ROBO1: variants seen among roughly 807,000 people sequenced by gnomAD.
ROBO1 encodes the protein roundabout guidance receptor 1.
Under a neutral mutation model 195.9 loss-of-function variants are expected in ROBO1, and 149 were observed. The observed-to-expected ratio is 0.76, with a 90% confidence interval of 0.67 to 0.87. The LOEUF is 0.87. ROBO1 is among the 40% of genes least tolerant of loss of function. The pLI, the probability that ROBO1 is intolerant of heterozygous loss-of-function variation, is 0.00. For missense variants in ROBO1, 1,933 were observed against 2,068.3 expected, an observed-to-expected ratio of 0.93 and a Z score of 1.27; for synonymous variants, 816 against 733.2, an observed-to-expected ratio of 1.11 and a Z score of -1.82.
chr3:78,684,390 T>C (rs1268565491), intron 10 of ROBO1, among the ~76,000 whole-genome samples: 1 of 152,260 alleles, frequency 6.6e-6, no homozygotes, highest in Non-Finnish European at 1.5e-5. Flanking sequence ...AGAGGCTTGT[T>C]GACTAGAAGA....
intron 4 of ROBO1, among the ~76,000 whole-genome samples, chr3:78,864,283 C>A (rs1419972327): frequency 6.6e-6 from 1 of 152,078 alleles, no homozygotes; most frequent in African/African-American, 2.4e-5. Flanking sequence ...ATAATTCTGG[C>A]ATCCACAATG....
At chr3:78,866,964 A>G (rs1229598517) in intron 4 of ROBO1, among the ~76,000 whole-genome samples, 1 of 152,216 alleles carries the variant, frequency 6.6e-6, no homozygotes, top group African/African-American at 2.4e-5. Context: ...TGCTTCAGTT[A>G]CCACTAACCA....
At chr3:79,418,618 A>G (rs1297170680) in intron 2 of ROBO1, among the ~76,000 whole-genome samples, 1 of 152,168 alleles carries the variant, frequency 6.6e-6, no homozygotes, top group African/African-American at 2.4e-5. Flanking sequence ...GTTTATTTAA[A>G]TTGGGCACCA....
chr3:79,662,832 T>G (rs1946369498), intron 1 of ROBO1, among the ~76,000 whole-genome samples: 1 of 152,008 alleles, frequency 6.6e-6, no homozygotes, highest in Non-Finnish European at 1.5e-5. Context: ...CGAGTCTTTA[T>G]AAGACTGTCA....
chr3:78,659,789 T>C lies in ROBO1; in HGVS notation c.2339A>G (p.Gln780Arg). The C allele has an allele frequency of 6.2e-7, 1 of 1,605,056 alleles. No individual in the cohort carries two copies. The highest frequency in any genetic ancestry group is 8.5e-7 in the Non-Finnish European group (1 of 1,175,396). Reference protein sequence around the residue: ...TLEEAPSAPPQGVTVSKNDGN... With the variant: ...TLEEAPSAPPRGVTVSKNDGN... Reference sequence around the variant, plus strand: ...ATCATTCTTGGATACAGTTACACCTTGGGGTGGGGCACTGGGTGCTATTAA... The same window carrying C: ...ATCATTCTTGGATACAGTTACACCTCGGGGTGGGGCACTGGGTGCTATTAA... The change falls in exon 17 of 31, where the codon CAA (glutamine) becomes CGA (arginine). Residue 780 changes from glutamine (Q) to arginine (R), a missense_variant. Around this residue, in one of 3 missense-constraint regions of ROBO1, gnomAD observed 1,737 missense variants for 1,882.5 expected, o/e 0.92. Transcript: ENST00000464233.
intron 2 of ROBO1, among the ~76,000 whole-genome samples, chr3:79,135,070 C>G (rs2080376328): frequency 1.3e-5 from 2 of 151,288 alleles, no homozygotes; most frequent in Admixed American, 6.6e-5. Flanking sequence ...AATTGAGTGT[C>G]TTAGAGAAGG....
chr3:79,021,067 C>T (rs2078091242), intron 3 of ROBO1, among the ~76,000 whole-genome samples: 1 of 152,138 alleles, frequency 6.6e-6, no homozygotes, highest in Admixed American at 6.5e-5. Context: ...CTCTGGTTAA[C>T]AGCACCTATC....
chr3:79,287,330 C>G (rs933470258), intron 2 of ROBO1, among the ~76,000 whole-genome samples: 3 of 152,054 alleles, frequency 2.0e-5, no homozygotes, highest in Non-Finnish European at 4.4e-5. Flanking sequence ...TGGTGATTGC[C>G]TGAGTAACAA....
chr3:79,702,018 A>T (rs923274369), intron 1 of ROBO1, among the ~76,000 whole-genome samples: 1 of 151,772 alleles, frequency 6.6e-6, no homozygotes, highest in Admixed American at 6.6e-5. Flanking sequence ...TTCCCATCAG[A>T]TCACACCACT....
intron 19 of ROBO1, among the ~76,000 whole-genome samples, chr3:78,648,663 A>T (rs934701863): frequency 3.3e-5 from 5 of 151,440 alleles, no homozygotes; most frequent in Non-Finnish European, 7.4e-5. Context: ...GTTAAATTAA[A>T]GTAAACGCTG....
At chr3:79,257,542 G>A (rs1382007057) in intron 2 of ROBO1, among the ~76,000 whole-genome samples, 1 of 152,072 alleles carries the variant, frequency 6.6e-6, no homozygotes, top group Non-Finnish European at 1.5e-5. Flanking sequence ...AAGTGTGGTT[G>A]GCCTGGCATA....
chr3:78,758,345 A>T (rs1392996215), intron 4 of ROBO1, among the ~76,000 whole-genome samples: 1 of 151,886 alleles, frequency 6.6e-6, no homozygotes, highest in African/African-American at 2.4e-5. Flanking sequence ...ACAGTGGGAC[A>T]CCTGTCTCTA....
chr3:78,637,031 A>C (rs1705560987), intron 22 of ROBO1, among the ~76,000 whole-genome samples: 1 of 143,234 alleles, frequency 7.0e-6, no homozygotes, highest in Non-Finnish European at 1.5e-5. Flanking sequence ...TTTTAAATTA[A>C]AATAGATTTT....
chr3:79,182,353 C>A (rs2081355774), intron 2 of ROBO1, among the ~76,000 whole-genome samples: 1 of 152,188 alleles, frequency 6.6e-6, no homozygotes, highest in Admixed American at 6.5e-5. Context: ...TGCCTTTTCC[C>A]CTCTTAGCAT....
At chr3:78,641,751 A>G (rs1303599885) in intron 21 of ROBO1, among the ~76,000 whole-genome samples, 1 of 152,196 alleles carries the variant, frequency 6.6e-6, no homozygotes, top group Admixed American at 6.6e-5. Flanking sequence ...ACATGTTTCA[A>G]AAGAAATAGA....
At chr3:79,692,092 G>C (rs777929927) in intron 1 of ROBO1, among the ~76,000 whole-genome samples, 11 of 151,766 alleles carry the variant, frequency 7.2e-5, no homozygotes, top group Non-Finnish European at 1.5e-4. Flanking sequence ...GGAAGGGTAG[G>C]GATTATCCAG....
At chr3:79,752,895 C>G (rs565604799) in intron 1 of ROBO1, among the ~76,000 whole-genome samples, 64 of 152,150 alleles carry the variant, frequency 4.2e-4, no homozygotes, top group African/African-American at 1.5e-3. Flanking sequence ...AGGGAAATCC[C>G]AATTAAGTCT....
intron 2 of ROBO1, among the ~76,000 whole-genome samples, chr3:79,339,759 A>T (rs915508097): frequency 2.6e-5 from 4 of 152,174 alleles, no homozygotes; most frequent in African/African-American, 9.6e-5. Flanking sequence ...CATTTCTTTG[A>T]CCAACACCAG....
At chr3:78,918,775 T>A (rs2038777680) in intron 4 of ROBO1, among the ~76,000 whole-genome samples, 1 of 152,142 alleles carries the variant, frequency 6.6e-6, no homozygotes, top group South Asian at 2.1e-4. Context: ...ATGTCCCACA[T>A]ACTTCTAGGA....
Sources: allele counts gnomAD v4.1 joint callset (sites outside exome capture counted in the v4.1 genomes callset), GRCh38; gene constraint gnomAD v4.1.1; regional missense constraint gnomAD v4.1.1; transcripts MANE v1.5; gene names NCBI Gene and HGNC (gene_info 2026-07-23, HGNC 2026-07-21).